The following CDC14A variants were observed in gnomAD, a reference collection of about 807,000 sequenced individuals.
CDC14A encodes cell division cycle 14A.
A neutral mutation model predicts 74.4 loss-of-function variants in CDC14A; 53 were observed. The ratio of observed to expected loss-of-function variants is 0.71; its 90% CI spans 0.57 to 0.89. The LOEUF (loss-of-function observed/expected upper bound fraction) is 0.89, where lower values mean the gene tolerates loss of function less well. Ranked by LOEUF, CDC14A falls within the 40% of genes least tolerant of loss-of-function variation. CDC14A has a pLI of 0.00. For synonymous variants in CDC14A, 247 were observed against 258.4 expected, an observed-to-expected ratio of 0.96 and a Z score of 0.43; for missense variants, 646 against 713.7, an observed-to-expected ratio of 0.91 and a Z score of 1.08.
chr1:100,519,885 TATC>T lies in CDC14A; in HGVS notation c.*1608_*1610del, dbSNP rs1226556745. ...GAAGATGACAGTATTTTTTTCAAGT[TATC>T]ATAAAAAGTAATTCAGATGACATTT... is the stretch of plus-strand genomic sequence containing the variant. On this transcript the variant is annotated 3_prime_UTR_variant, in exon 16 of 16. Transcript: ENST00000336454. 6.6e-6 allele frequency: 1 copy of T among 152,218 alleles called. No homozygotes were observed. The highest frequency in any genetic ancestry group is 2.4e-5 in the African/African-American group (1 of 41,424). The allele number at this position is 152,218 out of a possible 1,614,324, so 9.4% of individuals were successfully genotyped here.
upstream of CDC14A, among the ~76,000 whole-genome samples, chr1:100,347,856 T>TA (rs1479198753): frequency 5.9e-5 from 9 of 152,292 alleles, no homozygotes; most frequent in Non-Finnish European, 1.2e-4. Flanking sequence ...AACAAACAAC[T>TA]AAAAGAGTAT....
chr1:100,510,284 A>G (rs1271992484), intron 15 of CDC14A, among the ~76,000 whole-genome samples: 1 of 152,170 alleles, frequency 6.6e-6, no homozygotes, highest in African/African-American at 2.4e-5. Context: ...CTTTATATCC[A>G]TTATCTTATT....
At chr1:100,412,768 T>TATATATA in intron 4 of CDC14A, among the ~76,000 whole-genome samples, 1 of 78,836 alleles carries the variant, frequency 1.3e-5, no homozygotes, top group Non-Finnish European at 2.5e-5. Context: ...TATATATATA[T>TATATATA]TATATATATA....
chr1:100,347,785 G>T (rs1425755258), upstream of CDC14A, among the ~76,000 whole-genome samples: 1 of 152,148 alleles, frequency 6.6e-6, no homozygotes, highest in East Asian at 1.9e-4. Flanking sequence ...TTTACAGAAA[G>T]AATTCAAAGT....
At chr1:100,455,631 G>A in intron 8 of CDC14A, 139 bp downstream of exon 8, 1 of 609,420 alleles carries the variant, frequency 1.6e-6, no homozygotes, top group Non-Finnish European at 2.9e-6. Context: ...TTGAACAGTA[G>A]TAATAGTGTG....
rs548271748 is a variant in CDC14A, at chr1:100,457,814, C to G, written c.607+2322C>G. Among the ~76,000 whole-genome samples, 110 of 152,020 alleles carry G rather than the reference C, an allele frequency of 7.2e-4. 1 individual carries two copies. Among genetic ancestry groups the G allele is most frequent in the African/African-American group, 2.6e-3 (109 of 41,466 alleles). The stretch of plus-strand genomic sequence containing the variant: ...AAGTTGTTTATCTCTTATTCTTACT[C>G]TTTTTTTCCTTTTTAAATTTCATCA... On this transcript the variant is annotated intron_variant, in intron 8 of 15. Coordinates refer to ENST00000336454, the MANE Select transcript of CDC14A (RefSeq NM_003672.4).
rs1445928699 is a variant in CDC14A at position 100,387,166 on chromosome 1, A to G, written c.217-3566A>G. On this transcript the variant is annotated intron_variant, in intron 3 of 15. Coordinates refer to ENST00000336454, the MANE Select transcript of CDC14A (RefSeq NM_003672.4). ...GAAAACTGTGGGCCAGGATGACCAT[A>G]AGAGGGAGGCCCAGTTGTGAAAAGG... 2.0e-5 allele frequency among the ~76,000 whole-genome samples: 3 copies of G among 152,310 alleles called. No homozygotes were observed. The East Asian group carries it at 5.8e-4, about 29-fold the overall frequency.
At chr1:100,378,830 T>A (rs557288626) in intron 3 of CDC14A, among the ~76,000 whole-genome samples, 2 of 152,314 alleles carry the variant, frequency 1.3e-5, no homozygotes, top group Admixed American at 1.3e-4. Flanking sequence ...AAAAGATACA[T>A]GTAAATTCCT....
At chr1:100,428,230 C>T (rs1663191657) in intron 5 of CDC14A, among the ~76,000 whole-genome samples, 1 of 152,114 alleles carries the variant, frequency 6.6e-6, no homozygotes, top group South Asian at 2.1e-4. Flanking sequence ...GAATTTCTGG[C>T]TTGTGTGACA....
intron 2 of CDC14A, among the ~76,000 whole-genome samples, chr1:100,366,614 TCCTACC>T (rs1241319931): frequency 6.6e-6 from 1 of 152,184 alleles, no homozygotes; most frequent in African/African-American, 2.4e-5. Flanking sequence ...TGGTGGGTGA[TCCTACC>T]CTTGTGAATG....
chr1:100,480,827 G>A (rs1669382074), intron 10 of CDC14A: 1 of 152,160 alleles, frequency 6.6e-6, no homozygotes, highest in Non-Finnish European at 1.5e-5. Context: ...TGATTGTAGG[G>A]TTCTATACCT....
intron 15 of CDC14A, among the ~76,000 whole-genome samples, chr1:100,516,750 A>T (rs1273638745): frequency 6.6e-6 from 1 of 152,112 alleles, no homozygotes; most frequent in Admixed American, 6.5e-5. Flanking sequence ...AAGGCTTTTG[A>T]CCAACTTCAC....
intron 5 of CDC14A, among the ~76,000 whole-genome samples, chr1:100,430,890 C>T (rs1477045022): frequency 6.6e-6 from 1 of 152,160 alleles, no homozygotes; most frequent in Non-Finnish European, 1.5e-5. Flanking sequence ...GTTTCTCAGT[C>T]TTGATCTTTG....
chr1:100,433,791 C>T (rs781436315), intron 5 of CDC14A, among the ~76,000 whole-genome samples: 27 of 152,254 alleles, frequency 1.8e-4, no homozygotes, highest in Admixed American at 1.0e-3. Flanking sequence ...TCTCAGGTTA[C>T]AAGCAGTGGT....
intron 15 of CDC14A, among the ~76,000 whole-genome samples, chr1:100,500,433 A>G (rs1364604818): frequency 6.6e-6 from 1 of 152,100 alleles, no homozygotes; most frequent in African/African-American, 2.4e-5. Context: ...ATTCTTAATG[A>G]TATCTACTTT....
chr1:100,505,892 A>T (rs1358044058), intron 15 of CDC14A, among the ~76,000 whole-genome samples: 1 of 152,166 alleles, frequency 6.6e-6, no homozygotes, highest in Non-Finnish European at 1.5e-5. Context: ...CAGGAAGCTT[A>T]CAATCATGGT....
intron 15 of CDC14A, among the ~76,000 whole-genome samples, chr1:100,512,057 C>G (rs1649824424): frequency 6.6e-6 from 1 of 151,980 alleles, no homozygotes; most frequent in African/African-American, 2.4e-5. Context: ...ACTTGCAGTC[C>G]ACTCTGCTTT....
At chr1:100,379,559 GT>G (rs1655797632) in intron 3 of CDC14A, among the ~76,000 whole-genome samples, 1 of 152,218 alleles carries the variant, frequency 6.6e-6, no homozygotes, top group African/African-American at 2.4e-5. Flanking sequence ...AATTGCTTCA[GT>G]TTTGTGGAAT....
chr1:100,516,743 G>T (rs1217773004), intron 15 of CDC14A, among the ~76,000 whole-genome samples: 1 of 152,072 alleles, frequency 6.6e-6, no homozygotes, highest in African/African-American at 2.4e-5. Context: ...GGGCTTCAAG[G>T]CTTTTGACCA....
Sources: allele counts gnomAD v4.1 joint callset (sites outside exome capture counted in the v4.1 genomes callset), GRCh38; gene constraint gnomAD v4.1.1; transcripts MANE v1.5; gene names NCBI Gene and HGNC (gene_info 2026-07-23, HGNC 2026-07-21).